Variants in UBE3A observed in about 807,000 individuals in gnomAD.
The protein encoded by UBE3A is ubiquitin protein ligase E3A.
UBE3A carries 6 observed loss-of-function variants against 83.4 expected under a neutral mutation model. The ratio of observed to expected loss-of-function variants is 0.07; its 90% confidence interval spans 0.04 to 0.14. The LOEUF is 0.14. Ranked by LOEUF, UBE3A falls within the 10% of genes least tolerant of loss-of-function variation. The probability of loss-of-function intolerance (pLI) is 1.00; values close to 1 mark genes in which losing one functional copy is unlikely to be tolerated. For synonymous variants in UBE3A, 337 were observed against 355.4 expected, an observed-to-expected ratio of 0.95 and a Z score of 0.58; for missense variants, 456 against 1,036.1, an observed-to-expected ratio of 0.44 and a Z score of 7.69.
At chr15:25,402,320 T>C (rs991371899) in intron 4 of UBE3A, among the ~76,000 whole-genome samples, 1 of 152,228 alleles carries the variant, frequency 6.6e-6, no homozygotes, top group Non-Finnish European at 1.5e-5. Context: ...CCTGGCATCC[T>C]GGTCTACTAG....
chr15:25,390,324 C>G (rs1169043870), intron 4 of UBE3A, among the ~76,000 whole-genome samples: 2 of 151,754 alleles, frequency 1.3e-5, no homozygotes, highest in Non-Finnish European at 2.9e-5. Context: ...AAACCTAAGT[C>G]CACACAAAAA....
intron 5 of UBE3A, chr15:25,373,761 G>A (rs1236564979): frequency 2.6e-5 from 4 of 152,220 alleles, no homozygotes; most frequent in African/African-American, 9.7e-5. Flanking sequence ...ACAGGCGTGA[G>A]CCACTGTGCC....
rs940625099 is a variant in UBE3A at position 25,370,424 on chromosome 15, A to G, written c.1608+142T>C. On this transcript the variant is annotated intron_variant, in intron 6 of 12. Transcript: ENST00000648336. The surrounding 1 kb of genome is among the most constrained non-coding windows in gnomAD (Gnocchi z 4.2). ...AAACTTGCACAGGAACAACAAAAGT[A>G]TAATACTTATATAAGATCAGAAATG... 4 of 1,001,960 alleles carry G rather than the reference A, an allele frequency of 4.0e-6. No individual in the cohort carries two copies. Among genetic ancestry groups the G allele is most frequent in the Non-Finnish European group, 4.6e-6 (3 of 648,022 alleles). The allele number at this position is 1,001,960 out of a possible 1,614,324, so 62.1% of individuals were successfully genotyped here.
chr15:25,346,759 C>T (rs992725378), intron 11 of UBE3A: 5 of 152,000 alleles, frequency 3.3e-5, no homozygotes, highest in Non-Finnish European at 5.9e-5. Context: ...ATGGGCTCAA[C>T]AGTAGAGTGA....
At chr15:25,406,688 T>TCACACA (rs60819760) in intron 3 of UBE3A, among the ~76,000 whole-genome samples, 9 of 148,694 alleles carry the variant, frequency 6.1e-5, no homozygotes, top group South Asian at 2.1e-4. Flanking sequence ...TTAAAATCAG[T>TCACACA]CACACACACA....
intron 7 of UBE3A, among the ~76,000 whole-genome samples, chr15:25,357,902 CTTTT>C (rs35596421): frequency 8.4e-5 from 8 of 95,720 alleles, no homozygotes; most frequent in Non-Finnish European, 9.8e-5. Context: ...ATCATGGAGG[CTTTT>C]TTTTTTTTTT....
chr15:25,384,268 GC>G (rs1351335528), intron 4 of UBE3A, among the ~76,000 whole-genome samples: 1 of 151,972 alleles, frequency 6.6e-6, no homozygotes, highest in Non-Finnish European at 1.5e-5. Flanking sequence ...GACCATCCTG[GC>G]CAACATGGTG....
intron 4 of UBE3A, among the ~76,000 whole-genome samples, chr15:25,384,470 A>G (rs1042259186): frequency 4.6e-5 from 7 of 151,702 alleles, no homozygotes; most frequent in Non-Finnish European, 8.8e-5. Flanking sequence ...AAAAAAAAAA[A>G]AAAAAGAAAA....
chr15:25,409,350 G>A (rs541947509), intron 2 of UBE3A, 143 bp from the exon 3 acceptor site: 1 of 401,316 alleles, frequency 2.5e-6, no homozygotes, highest in South Asian at 7.8e-5. Flanking sequence ...AGTTTTTAAG[G>A]ACTATTTTCC....
Position 25,334,964 on chromosome 15 carries a change from T to TA in UBE3A, c.*4172dup, listed in dbSNP as rs2073888582. 1 of 151,264 alleles carries TA rather than the reference T, an allele frequency of 6.6e-6. No individual in the cohort carries two copies. The highest frequency in any genetic ancestry group is 2.1e-4 in the South Asian group (1 of 4,798). 9.4% of individuals were successfully genotyped at this position (151,264 alleles called of 1,614,324 possible). On this transcript the variant is annotated 3_prime_UTR_variant, in exon 13 of 13. Coordinates refer to ENST00000648336, the MANE Select transcript of UBE3A (RefSeq NM_130839.5). ...TGACAAGATAACAGAAAGATGGAGG[T>TA]AATAACATGTGAAAGGCAAAATGGT...
chr15:25,432,870 T>C (rs986629854), intron 1 of UBE3A, among the ~76,000 whole-genome samples: 5 of 152,172 alleles, frequency 3.3e-5, no homozygotes, highest in African/African-American at 1.2e-4. Flanking sequence ...TCAGACTCTC[T>C]TCTATAATTC....
At chr15:25,374,374 A>C (rs969946313) in intron 5 of UBE3A, 4 of 152,302 alleles carry the variant, frequency 2.6e-5, no homozygotes, top group Non-Finnish European at 5.9e-5. Context: ...CTGTGCCAGC[A>C]CTCTACATTC....
rs546977644 is a variant in UBE3A at position 25,362,189 on chromosome 15, T to C, written c.1609-1662A>G. ...ATACTAGGGATTGCAGTCAAAGAGT[T>C]TGACAAAACTAGCTGAAATTATCTT... is the stretch of plus-strand genomic sequence containing the variant. On this transcript the variant is annotated intron_variant, in intron 6 of 12. Transcript: ENST00000648336. 1.7e-4 allele frequency among the ~76,000 whole-genome samples: 26 copies of C among 152,360 alleles called. No individual in the cohort carries two copies. In the South Asian group the frequency reaches 3.9e-3, roughly 23 times the overall value.
chr15:25,389,915 C>CA (rs1276221074), intron 4 of UBE3A, among the ~76,000 whole-genome samples: 1 of 150,458 alleles, frequency 6.6e-6, no homozygotes, highest in African/African-American at 2.4e-5. Flanking sequence ...ACAGACAAGA[C>CA]AGACAGAGAC....
At chr15:25,363,922 T>C (rs2152755389) in intron 6 of UBE3A, among the ~76,000 whole-genome samples, 1 of 152,156 alleles carries the variant, frequency 6.6e-6, no homozygotes, top group African/African-American at 2.4e-5. Context: ...CTGGGCGCCG[T>C]GGCTCACACC....
chr15:25,362,911 G>T (rs1268097369), intron 6 of UBE3A, among the ~76,000 whole-genome samples: 1 of 152,092 alleles, frequency 6.6e-6, no homozygotes, highest in Non-Finnish European at 1.5e-5. Flanking sequence ...GAAAAAAAAG[G>T]TTATCTGGTA....
At position 25,338,529 on chromosome 15, in the gene UBE3A, T is replaced by G. The variant is rs2074193918; in HGVS notation, c.*608A>C. 1 of 152,110 alleles carries G rather than the reference T, an allele frequency of 6.6e-6. No individual in the cohort carries two copies. The highest frequency in any genetic ancestry group is 1.5e-5 in the Non-Finnish European group (1 of 67,974). The allele number at this position is 152,110 out of a possible 1,614,324, so 9.4% of individuals were successfully genotyped here. On this transcript the variant is annotated 3_prime_UTR_variant, in exon 13 of 13. Coordinates refer to ENST00000648336, the MANE Select transcript of UBE3A (RefSeq NM_130839.5). ...CCTTCCTTCCATCTTTCTTTATTGA[T>G]TGATTCTCAAGATTTTGCACAGAAA...
At position 25,334,738 on chromosome 15, in the gene UBE3A, A is replaced by G. The variant is rs2073878958; in HGVS notation, c.*4399T>C. ...AATGGAGTAAGACTGAGAATCCAGA[A>G]AGTCTTATATTTATGGTCAACTGTT... On this transcript the variant is annotated 3_prime_UTR_variant, in exon 13 of 13. Coordinates refer to ENST00000648336, the MANE Select transcript of UBE3A (RefSeq NM_130839.5). The G allele has an allele frequency of 6.6e-6, 1 of 152,182 alleles. No individual in the cohort carries two copies. The highest frequency in any genetic ancestry group is 2.4e-5 in the African/African-American group (1 of 41,444). The allele number at this position is 152,182 out of a possible 1,614,324, so 9.4% of individuals were successfully genotyped here.
intron 1 of UBE3A, chr15:25,415,849 G>GAAAAAA (rs57736236): frequency 9.0e-6 from 1 of 111,172 alleles, no homozygotes; most frequent in East Asian, 2.8e-4. Context: ...CCCTCTACAA[G>GAAAAAA]AAAAAAAAAA....
Sources: allele counts gnomAD v4.1 joint callset (sites outside exome capture counted in the v4.1 genomes callset), GRCh38; gene constraint gnomAD v4.1.1; non-coding constraint Gnocchi (gnomAD v3.1); transcripts MANE v1.5; gene names NCBI Gene and HGNC (gene_info 2026-07-23, HGNC 2026-07-21).